HACD1: variants seen among roughly 807,000 people sequenced by gnomAD.
HACD1 encodes the protein 3-hydroxyacyl-CoA dehydratase 1.
Under a neutral mutation model 32.0 loss-of-function variants are expected in HACD1, and 41 were observed. The observed-to-expected ratio is 1.28, with a 90% confidence interval of 1.00 to 1.66. The LOEUF (loss-of-function observed/expected upper bound fraction) is 1.66, where lower values mean the gene tolerates loss of function less well. HACD1 is among the 40% of genes most tolerant of loss of function. HACD1 has a pLI of 0.00. For synonymous variants in HACD1, 142 were observed against 139.0 expected (o/e 1.02, Z -0.15); for missense variants, 396 against 380.1 (o/e 1.04, Z -0.35).
intron 4 of HACD1, chr10:17,603,217 C>T (rs1370350511): frequency 2.0e-5 from 4 of 199,072 alleles, no homozygotes; most frequent in Admixed American, 5.6e-5. Flanking sequence ...CTGACAACTT[C>T]GATTACATAA....
chr10:17,600,116 GT>G lies in HACD1; in HGVS notation c.484-706del, dbSNP rs576883943. 1.7e-4 allele frequency among the ~76,000 whole-genome samples: 26 copies of G among 152,190 alleles called. 1 individual carries two copies. In the South Asian group the frequency reaches 5.2e-3, roughly 30 times the overall value. On this transcript the variant is annotated intron_variant, in intron 4 of 6. Transcript: ENST00000361271. ...ACCCTTCTACCTACTTCTCTCTCTG[GT>G]GACACTAGATGTTGTTATTTCCAGA...
At chr10:17,598,932 A>G (rs1554816223) in intron 5 of HACD1, 1 of 166,310 alleles carries the variant, frequency 6.0e-6, no homozygotes, top group African/African-American at 2.4e-5. Context: ...GACTATTAAA[A>G]TAATTTACAT....
At chr10:17,616,784 G>A (rs1365670727) in intron 1 of HACD1, among the ~76,000 whole-genome samples, 1 of 151,960 alleles carries the variant, frequency 6.6e-6, no homozygotes, top group Non-Finnish European at 1.5e-5. Flanking sequence ...CGAAGGCAGC[G>A]GCGCCGGGGC....
In HACD1 at chr10:17,594,190, T is replaced by C. The variant is rs781807183; in HGVS notation, c.784+15A>G. The stretch of plus-strand genomic sequence containing the variant: ...ATCATATGTCAAATCAAAGTACTAA[T>C]AAGTATATACTTACAAGGTATATAT... On this transcript the variant is annotated intron_variant, in intron 6 of 6. Coordinates refer to ENST00000361271, the MANE Select transcript of HACD1 (RefSeq NM_014241.4). 7.9e-6 allele frequency: 11 copies of C among 1,399,844 alleles called. No individual in the cohort carries two copies. Among genetic ancestry groups the C allele is most frequent in the Admixed American group, 5.0e-5 (2 of 39,782 alleles). 86.7% of individuals were successfully genotyped at this position (1,399,844 alleles called of 1,614,324 possible).
rs563152085 is a variant in HACD1, at chr10:17,600,026, A to C, written c.484-615T>G. ...AAAGGATGAGCCCTAATACCTGGGCACCATATTCAAGGTTCTTTGCAATCC... is the reference window on the plus strand; with the variant it reads ...AAAGGATGAGCCCTAATACCTGGGCCCCATATTCAAGGTTCTTTGCAATCC... On this transcript the variant is annotated intron_variant, in intron 4 of 6. Transcript: ENST00000361271. Among the ~76,000 whole-genome samples the C allele has an allele frequency of 5.3e-5, 8 of 152,344 alleles. No individual in the cohort carries two copies. In the South Asian group the frequency reaches 1.7e-3, roughly 32 times the overall value.
intron 1 of HACD1, chr10:17,615,804 C>T: frequency 2.3e-6 from 1 of 425,946 alleles, no homozygotes; most frequent in Non-Finnish European, 4.7e-6. Context: ...CTGTCTCTAC[C>T]AAAAATACAA....
At chr10:17,610,148 A>G (rs898535111) in intron 1 of HACD1, among the ~76,000 whole-genome samples, 4 of 152,176 alleles carry the variant, frequency 2.6e-5, no homozygotes, top group Admixed American at 2.0e-4. Context: ...AACTGAAGAG[A>G]GCCCAAATGT....
At chr10:17,604,116 C>T (rs1298568270) in intron 1 of HACD1, 69 bp from the exon 2 acceptor site, 2 of 1,130,714 alleles carry the variant, frequency 1.8e-6, no homozygotes, top group Admixed American at 2.4e-5. Flanking sequence ...TTTGTGTTTA[C>T]AGCAGCGTTA....
chr10:17,598,473 T>A (rs782079005), intron 5 of HACD1, among the ~76,000 whole-genome samples: 6 of 152,158 alleles, frequency 3.9e-5, no homozygotes, highest in Non-Finnish European at 7.4e-5. Flanking sequence ...CCAGCATTTA[T>A]CACCACCTGA....
chr10:17,606,436 T>G (rs1554817069), intron 1 of HACD1, among the ~76,000 whole-genome samples: 1 of 152,220 alleles, frequency 6.6e-6, no homozygotes, highest in East Asian at 1.9e-4. Flanking sequence ...TCTGTAACTT[T>G]TTAAAAGCTC....
At chr10:17,597,264 G>A (rs1439718876) in intron 5 of HACD1, among the ~76,000 whole-genome samples, 4 of 151,888 alleles carry the variant, frequency 2.6e-5, no homozygotes, top group African/African-American at 4.8e-5. Context: ...CTCCTGCCTC[G>A]GCCTCCCAAG....
intron 1 of HACD1, among the ~76,000 whole-genome samples, chr10:17,611,839 T>C (rs1554817530): frequency 2.0e-5 from 3 of 151,406 alleles, no homozygotes; most frequent in South Asian, 2.1e-4. Flanking sequence ...TGGTGGGGGG[T>C]GCCTGTAGTC....
At chr10:17,600,873 A>G (rs1834059975) in intron 4 of HACD1, among the ~76,000 whole-genome samples, 1 of 152,128 alleles carries the variant, frequency 6.6e-6, no homozygotes, top group Non-Finnish European at 1.5e-5. Flanking sequence ...TCTCCCAAGT[A>G]TAGGCTCCAC....
At chr10:17,600,223 T>G (rs1834050084) in intron 4 of HACD1, among the ~76,000 whole-genome samples, 1 of 152,322 alleles carries the variant, frequency 6.6e-6, no homozygotes, top group Middle Eastern at 3.4e-3. Flanking sequence ...AAAAAATCTT[T>G]TCCTATCTTT....
intron 1 of HACD1, among the ~76,000 whole-genome samples, chr10:17,611,704 C>T (rs924666649): frequency 1.3e-5 from 2 of 152,068 alleles, no homozygotes; most frequent in South Asian, 2.1e-4. Context: ...TGGTGGCTCA[C>T]GCCTATAATC....
At chr10:17,600,996 C>T (rs1834062085) in intron 4 of HACD1, among the ~76,000 whole-genome samples, 1 of 151,976 alleles carries the variant, frequency 6.6e-6, no homozygotes, top group South Asian at 2.1e-4. Flanking sequence ...TACCCCACTT[C>T]CCAACAGCCA....
At chr10:17,616,211 G>A (rs1187250347) in intron 1 of HACD1, among the ~76,000 whole-genome samples, 1 of 144,998 alleles carries the variant, frequency 6.9e-6, no homozygotes, top group Non-Finnish European at 1.5e-5. Flanking sequence ...GGAGCTTGTA[G>A]TGAGCCGAGA....
At chr10:17,599,869 C>A (rs1425896616) in intron 4 of HACD1, among the ~76,000 whole-genome samples, 1 of 152,180 alleles carries the variant, frequency 6.6e-6, no homozygotes, top group Non-Finnish European at 1.5e-5. Flanking sequence ...TCTTTCCTCC[C>A]TTTATTGTCC....
intron 1 of HACD1, among the ~76,000 whole-genome samples, chr10:17,604,627 T>G (rs1234671914): frequency 6.6e-6 from 1 of 151,994 alleles, no homozygotes; most frequent in African/African-American, 2.4e-5. Flanking sequence ...ACAAAAGGAC[T>G]AATACTGTAT....
Sources: gnomAD v4.1 joint callset for allele counts (sites outside exome capture counted in the v4.1 genomes callset) on GRCh38, gnomAD v4.1.1 for gene constraint, MANE v1.5 for transcripts, NCBI Gene and HGNC (gene_info 2026-07-23, HGNC 2026-07-21) for gene names.